The following ASXL2 variants were observed in gnomAD, a reference collection of about 807,000 sequenced individuals.
ASXL2 encodes ASXL transcriptional regulator 2.
ASXL2 carries 23 observed loss-of-function variants against 122.0 expected under a neutral mutation model. The ratio of observed to expected loss-of-function variants is 0.19; its 90% CI spans 0.14 to 0.27. ASXL2 has a LOEUF of 0.27. Among genes scored for constraint, ASXL2 ranks in the 10% least tolerant of loss-of-function variants. The probability of loss-of-function intolerance (pLI) is 1.00; values close to 1 mark genes in which losing one functional copy is unlikely to be tolerated. For synonymous variants in ASXL2, 650 were observed against 637.0 expected, an observed-to-expected ratio of 1.02 and a Z score of -0.31; for missense variants, 1,518 against 1,713.8, an observed-to-expected ratio of 0.89 and a Z score of 2.02.
At chr2:25,852,657 A>G (rs1349064840) in intron 1 of ASXL2, among the ~76,000 whole-genome samples, 3 of 152,374 alleles carry the variant, frequency 2.0e-5, no homozygotes, top group East Asian at 1.9e-4. Flanking sequence ...ATAGAACAAT[A>G]TATCAACGTT....
intron 3 of ASXL2, among the ~76,000 whole-genome samples, chr2:25,820,179 T>C (rs1328365482): frequency 1.3e-5 from 2 of 152,186 alleles, no homozygotes; most frequent in African/African-American, 4.8e-5. Context: ...GCTCCCGAAG[T>C]GCTGAGATTA....
chr2:25,846,846 TACTC>T (rs931610376), intron 1 of ASXL2, among the ~76,000 whole-genome samples: 1 of 152,098 alleles, frequency 6.6e-6, no homozygotes, highest in Non-Finnish European at 1.5e-5. Flanking sequence ...AATTCAAACT[TACTC>T]AACACAGGAA....
Position 25,744,401 on chromosome 2 carries a change from T to C in ASXL2, c.1936A>G (p.Ile646Val). Reference sequence around the variant, plus strand: ...GCTCCTGTTCTGTTAGGACTAGTGATGGAGACTGGAAAACGAGCCCTGGGA... The same window carrying C: ...GCTCCTGTTCTGTTAGGACTAGTGACGGAGACTGGAAAACGAGCCCTGGGA... ...VSPRARFPVSITSPNRTGART... is the reference protein window; with the variant it reads ...VSPRARFPVSVTSPNRTGART... The change falls in exon 13 of 13, where the codon ATC (isoleucine) becomes GTC (valine). Residue 646 changes from isoleucine (I) to valine (V), a missense_variant. Transcript: ENST00000435504. This position sits in a 1 kb window ranked among gnomAD's most constrained non-coding sequence, Gnocchi z 4.7. 1.5e-5 allele frequency: 24 copies of C among 1,613,732 alleles called. No individual in the cohort carries two copies. Among genetic ancestry groups the C allele is most frequent in the Non-Finnish European group, 1.8e-5 (21 of 1,179,842 alleles).
chr2:25,755,892 T>C, intron 10 of ASXL2, 126 bp downstream of exon 10: 1 of 791,334 alleles, frequency 1.3e-6, no homozygotes, highest in Middle Eastern at 2.7e-4. Flanking sequence ...CCACACATGA[T>C]GGTTAATTCT....
At chr2:25,848,943 G>A (rs1252386923) in intron 1 of ASXL2, among the ~76,000 whole-genome samples, 1 of 150,608 alleles carries the variant, frequency 6.6e-6, no homozygotes, top group African/African-American at 2.5e-5. Context: ...CTACTACGGA[G>A]GCTGAGGCAG....
chr2:25,875,580 C>A (rs954947902), intron 1 of ASXL2, among the ~76,000 whole-genome samples: 3 of 152,130 alleles, frequency 2.0e-5, no homozygotes, highest in Non-Finnish European at 2.9e-5. Context: ...CATAAACACA[C>A]ACACCCCGTA....
chr2:25,877,084 T>C (rs1167859967), intron 1 of ASXL2, among the ~76,000 whole-genome samples: 1 of 152,200 alleles, frequency 6.6e-6, no homozygotes, highest in East Asian at 1.9e-4. Context: ...AACATTACTT[T>C]TATATTTAAA....
chr2:25,814,800 T>C (rs561982336), intron 3 of ASXL2, among the ~76,000 whole-genome samples: 2 of 152,136 alleles, frequency 1.3e-5, no homozygotes, highest in South Asian at 4.2e-4. Context: ...ATAAAGCAAA[T>C]ATAGCAATTA....
intron 4 of ASXL2, among the ~76,000 whole-genome samples, chr2:25,805,822 C>T (rs1169042586): frequency 2.6e-5 from 4 of 152,084 alleles, no homozygotes; most frequent in African/African-American, 9.7e-5. Flanking sequence ...ACTACAGGCA[C>T]ACACCGCTAC....
chr2:25,840,510 T>C (rs1406583940), intron 2 of ASXL2, among the ~76,000 whole-genome samples: 1 of 152,224 alleles, frequency 6.6e-6, no homozygotes, highest in Non-Finnish European at 1.5e-5. Context: ...TCTGTACTCA[T>C]TTAATAGAAA....
At chr2:25,852,066 CTACAG>C (rs750864322) in intron 1 of ASXL2, among the ~76,000 whole-genome samples, 76 of 152,126 alleles carry the variant, frequency 5.0e-4, no homozygotes, top group Non-Finnish European at 2.1e-4. Context: ...GCGGAAATGA[CTACAG>C]TAGTTTTGCA....
intron 8 of ASXL2, among the ~76,000 whole-genome samples, chr2:25,767,095 T>G (rs796611437): frequency 4.6e-5 from 7 of 152,326 alleles, no homozygotes; most frequent in African/African-American, 1.7e-4. Context: ...CTGTATGGAT[T>G]TGATCTTTTG....
intron 5 of ASXL2, among the ~76,000 whole-genome samples, chr2:25,783,638 T>C (rs1420843577): frequency 6.6e-6 from 1 of 152,128 alleles, no homozygotes; most frequent in African/African-American, 2.4e-5. Context: ...TATTATAAAC[T>C]GCCTTCCAGA....
intron 1 of ASXL2, 106 bp downstream of exon 1, chr2:25,878,060 C>A (rs1232980942): frequency 5.5e-6 from 8 of 1,451,096 alleles, no homozygotes. Flanking sequence ...CGGTTTTGTG[C>A]CCCTTCAGCC....
At chr2:25,811,845 G>C (rs1361735081) in intron 3 of ASXL2, among the ~76,000 whole-genome samples, 1 of 151,956 alleles carries the variant, frequency 6.6e-6, no homozygotes, top group African/African-American at 2.4e-5. Flanking sequence ...TCTGCCTCTC[G>C]GGTTCAAGCG....
chr2:25,770,982 A>G (rs2088440691), intron 6 of ASXL2, among the ~76,000 whole-genome samples: 1 of 152,228 alleles, frequency 6.6e-6, no homozygotes, highest in African/African-American at 2.4e-5. Flanking sequence ...ACACGCCTGT[A>G]ATCCCAGCAC....
intron 4 of ASXL2, among the ~76,000 whole-genome samples, chr2:25,803,938 A>G (rs2089037869): frequency 6.6e-6 from 1 of 152,242 alleles, no homozygotes; most frequent in South Asian, 2.1e-4. Flanking sequence ...ATCTGGTGTT[A>G]GAAGTATTGT....
intron 5 of ASXL2, among the ~76,000 whole-genome samples, chr2:25,791,487 C>CAAA (rs757850341): frequency 2.5e-5 from 3 of 121,598 alleles, no homozygotes; most frequent in African/African-American, 9.9e-5. Flanking sequence ...GACTCCGTCT[C>CAAA]AAAAAAAAAA....
intron 4 of ASXL2, among the ~76,000 whole-genome samples, chr2:25,804,045 T>C (rs1331789892): frequency 2.0e-5 from 3 of 152,102 alleles, no homozygotes; most frequent in East Asian, 1.9e-4. Context: ...TTAAACAGTA[T>C]GGAAGGTCTA....
Sources: gnomAD v4.1 joint callset for allele counts (sites outside exome capture counted in the v4.1 genomes callset) on GRCh38, gnomAD v4.1.1 for gene constraint, Gnocchi (gnomAD v3.1) non-coding constraint, MANE v1.5 for transcripts, NCBI Gene and HGNC (gene_info 2026-07-23, HGNC 2026-07-21) for gene names.